GSG1L: variants seen among roughly 807,000 people sequenced by gnomAD.
GSG1L encodes GSG1 like.
GSG1L carries 24 observed loss-of-function variants against 42.1 expected under a neutral mutation model. The ratio of observed to expected loss-of-function variants is 0.57; its 90% CI spans 0.41 to 0.80. GSG1L has a LOEUF of 0.80. Among genes scored for constraint, GSG1L ranks in the 30% least tolerant of loss-of-function variants. The probability of loss-of-function intolerance (pLI) is 0.00; values close to 1 mark genes in which losing one functional copy is unlikely to be tolerated. For missense variants in GSG1L, 445 were observed against 472.2 expected (o/e 0.94, Z 0.53); for synonymous variants, 215 against 203.5 (o/e 1.06, Z -0.48).
At chr16:27,794,798 C>G (rs945863795) in intron 6 of GSG1L, among the ~76,000 whole-genome samples, 1 of 152,152 alleles carries the variant, frequency 6.6e-6, no homozygotes, top group African/African-American at 2.4e-5. Flanking sequence ...TGTCTTCGTT[C>G]CATGATTCTG....
chr16:27,849,120 C>CA (rs1433982154), intron 3 of GSG1L, among the ~76,000 whole-genome samples: 1 of 146,548 alleles, frequency 6.8e-6, no homozygotes, highest in Non-Finnish European at 1.5e-5. Context: ...ACCTAGGAGG[C>CA]AGAAGCTGCA....
Sources: gnomAD v4.1 joint callset for allele counts (sites outside exome capture counted in the v4.1 genomes callset) on GRCh38, gnomAD v4.1.1 for gene constraint, MANE v1.5 for transcripts, NCBI Gene and HGNC (gene_info 2026-07-23, HGNC 2026-07-21) for gene names.